The following KAZN variants were observed in gnomAD, a reference collection of about 807,000 sequenced individuals.
The protein encoded by KAZN is kazrin, periplakin interacting protein.
In KAZN, 40 loss-of-function variants were observed where a neutral mutation model predicts 87.4. That is an observed-to-expected ratio of 0.46 (90% confidence interval 0.36 to 0.60). KAZN has a LOEUF of 0.60. Among genes scored for constraint, KAZN ranks in the 20% least tolerant of loss-of-function variants. KAZN has a pLI of 0.00. For synonymous variants in KAZN, 466 were observed against 458.3 expected (o/e 1.02, Z -0.22); for missense variants, 898 against 1,073.9 (o/e 0.84, Z 2.29).
At chr1:14,559,901 C>A (rs1274535300) in intron 2 of KAZN, among the ~76,000 whole-genome samples, 2 of 152,244 alleles carry the variant, frequency 1.3e-5, no homozygotes, top group South Asian at 2.1e-4. Flanking sequence ...GTGACACTCA[C>A]CAGTCCAAGA....
At chr1:14,905,084 A>G (rs970491898) in intron 1 of KAZN, among the ~76,000 whole-genome samples, 26 of 152,066 alleles carry the variant, frequency 1.7e-4, no homozygotes, top group Non-Finnish European at 3.2e-4. Context: ...TTTGAGACAG[A>G]GTCTCGCTCC....
chr1:13,941,204 A>G (rs1040150441), intron 1 of KAZN, among the ~76,000 whole-genome samples: 2 of 152,066 alleles, frequency 1.3e-5, no homozygotes, highest in Non-Finnish European at 2.9e-5. Flanking sequence ...AACAACAACA[A>G]CAACAAAAAA....
intron 1 of KAZN, among the ~76,000 whole-genome samples, chr1:14,070,681 T>C (rs1387336358): frequency 6.6e-6 from 1 of 152,218 alleles, no homozygotes; most frequent in Admixed American, 6.5e-5. Context: ...GGTGACACTT[T>C]CGTACACGTA....
chr1:15,094,432 G>A lies in KAZN; in HGVS notation c.1428+47G>A, dbSNP rs1247492355. 6.5e-7 allele frequency: 1 copy of A among 1,539,592 alleles called. No individual in the cohort carries two copies. ...ATGGGATGCCACCCATGCCCTCTGT[G>A]AGCTTTACGTACCCAGAAGCTGGCC... On this transcript the variant is annotated intron_variant, in intron 9 of 14. Coordinates refer to ENST00000376030, the MANE Select transcript of KAZN (RefSeq NM_201628.3). The surrounding 1 kb of genome is among the most constrained non-coding windows in gnomAD (Gnocchi z 4.5).
intron 2 of KAZN, among the ~76,000 whole-genome samples, chr1:14,495,517 G>A (rs1213103178): frequency 1.3e-5 from 2 of 152,152 alleles, no homozygotes; most frequent in African/African-American, 4.8e-5. Flanking sequence ...TCTGGTAGAT[G>A]AGGCACACTG....
intron 2 of KAZN, among the ~76,000 whole-genome samples, chr1:14,469,877 C>G (rs1229563584): frequency 7.0e-6 from 1 of 143,464 alleles, no homozygotes; most frequent in Admixed American, 6.8e-5. Flanking sequence ...GTTAGCTCTT[C>G]TTTATCGGTA....
chr1:14,448,663 A>G (rs144377551), intron 2 of KAZN, among the ~76,000 whole-genome samples: 27 of 152,322 alleles, frequency 1.8e-4, no homozygotes, highest in African/African-American at 6.3e-4. Flanking sequence ...AGGAAGTAAT[A>G]GATTATTGGC....
At chr1:14,314,914 G>A (rs558213783) in intron 2 of KAZN, among the ~76,000 whole-genome samples, 2 of 152,146 alleles carry the variant, frequency 1.3e-5, no homozygotes, top group South Asian at 4.1e-4. Flanking sequence ...TTTTATATAA[G>A]TGGAATCATG....
In KAZN at chr1:14,433,273, T is replaced by C. The variant is rs184328338; in HGVS notation, c.250-165710T>C. 2.2e-3 allele frequency among the ~76,000 whole-genome samples: 330 copies of C among 152,318 alleles called. 2 individuals are homozygous for C. The highest frequency in any genetic ancestry group is 3.0e-3 in the Non-Finnish European group (201 of 68,030). On this transcript the variant is annotated intron_variant, in intron 2 of 16. Transcript: ENST00000636203. ...AGCACCCACCCCCCACAGAGACAACTGCTCTCCTGGCTTCTACCACCATAG... is the reference window on the plus strand; with the variant it reads ...AGCACCCACCCCCCACAGAGACAACCGCTCTCCTGGCTTCTACCACCATAG...
intron 2 of KAZN, among the ~76,000 whole-genome samples, chr1:14,469,226 A>T (rs1668319526): frequency 6.6e-6 from 1 of 152,338 alleles, no homozygotes; most frequent in African/African-American, 2.4e-5. Flanking sequence ...AGGTAAAAAA[A>T]AATCTGCTAT....
At chr1:14,464,025 T>A (rs1366209872) in intron 2 of KAZN, among the ~76,000 whole-genome samples, 1 of 152,202 alleles carries the variant, frequency 6.6e-6, no homozygotes, top group Non-Finnish European at 1.5e-5. Context: ...AGACCATCTG[T>A]CTGGGAATTC....
chr1:14,386,234 T>C (rs1661875165), intron 2 of KAZN, among the ~76,000 whole-genome samples: 2 of 147,826 alleles, frequency 1.4e-5, no homozygotes, highest in African/African-American at 5.0e-5. Flanking sequence ...GTTTCCTGAA[T>C]ACAGCACACT....
chr1:14,159,292 C>T (rs975446004), intron 1 of KAZN, among the ~76,000 whole-genome samples: 1 of 152,186 alleles, frequency 6.6e-6, no homozygotes, highest in South Asian at 2.1e-4. Context: ...TTCTATTGTA[C>T]TGTAGCTGAT....
intron 1 of KAZN, among the ~76,000 whole-genome samples, chr1:14,174,014 A>G (rs186576650): frequency 6.6e-6 from 1 of 152,398 alleles, no homozygotes; most frequent in East Asian, 1.9e-4. Flanking sequence ...GTCTGTACAT[A>G]GAAACAAATG....
chr1:13,987,092 G>A (rs544608255), intron 1 of KAZN, among the ~76,000 whole-genome samples: 18 of 152,170 alleles, frequency 1.2e-4, no homozygotes, highest in Non-Finnish European at 2.1e-4. Context: ...TGACAGAAGG[G>A]TTCCTGGGTG....
chr1:14,336,646 A>G (rs1657292504), intron 2 of KAZN, among the ~76,000 whole-genome samples: 3 of 152,150 alleles, frequency 2.0e-5, no homozygotes, highest in African/African-American at 4.8e-5. Flanking sequence ...TACTTTAGTC[A>G]TTCTCATGAT....
At chr1:13,910,277 G>C (rs1639602393) in intron 1 of KAZN, among the ~76,000 whole-genome samples, 2 of 152,134 alleles carry the variant, frequency 1.3e-5, no homozygotes, top group South Asian at 4.1e-4. Flanking sequence ...GGGAGGCTGA[G>C]GTGAGTGGAT....
intron 2 of KAZN, among the ~76,000 whole-genome samples, chr1:14,535,369 G>T (rs548632304): frequency 1.3e-5 from 2 of 152,324 alleles, no homozygotes; most frequent in Non-Finnish European, 2.9e-5. Flanking sequence ...ATAATGCAAA[G>T]AAATACACTG....
chr1:13,923,125 A>G (rs1640126094), intron 1 of KAZN, among the ~76,000 whole-genome samples: 1 of 152,206 alleles, frequency 6.6e-6, no homozygotes, highest in African/African-American at 2.4e-5. Context: ...GCTTTCCAGA[A>G]CTTAACTACC....
Sources: allele counts gnomAD v4.1 joint callset (sites outside exome capture counted in the v4.1 genomes callset), GRCh38; gene constraint gnomAD v4.1.1; non-coding constraint Gnocchi (gnomAD v3.1); transcripts MANE v1.5; gene names NCBI Gene and HGNC (gene_info 2026-07-23, HGNC 2026-07-21).